FERRY3: variants seen among roughly 807,000 people sequenced by gnomAD.
FERRY3 encodes the protein FERRY endosomal RAB5 effector complex subunit 3, also known as protein C12orf4.
At chr12:4,529,812 G>T in the FERRY3 span, 1 of 1,361,694 alleles carries the variant, frequency 7.3e-7, no homozygotes, top group South Asian at 1.5e-5. Flanking sequence ...TTGTTCTGCA[G>T]GCCATCTATT....
At chr12:4,498,583 A>T in the FERRY3 span, among the ~76,000 whole-genome samples, 1 of 152,232 alleles carries the variant, frequency 6.6e-6, no homozygotes, top group African/African-American at 2.4e-5. Flanking sequence ...GTAAAACTAT[A>T]CCAGCATAGA....
chr12:4,538,141 T>G, the FERRY3 span, among the ~76,000 whole-genome samples: 1 of 152,200 alleles, frequency 6.6e-6, no homozygotes, highest in Admixed American at 6.5e-5. Flanking sequence ...CTTTCTCCTC[T>G]CGCTCTTTTT....
the FERRY3 span, chr12:4,505,335 G>T: frequency 6.2e-7 from 1 of 1,605,126 alleles, no homozygotes. Flanking sequence ...GTTCCTCTCA[G>T]CATTCTTAGT....
the FERRY3 span, among the ~76,000 whole-genome samples, chr12:4,521,293 A>G: frequency 6.6e-6 from 1 of 152,120 alleles, no homozygotes; most frequent in African/African-American, 2.4e-5. Flanking sequence ...CAGGAGGTGG[A>G]GGTTGCAATG....
chr12:4,497,163 A>G, the FERRY3 span, among the ~76,000 whole-genome samples: 5 of 152,326 alleles, frequency 3.3e-5, no homozygotes, highest in South Asian at 4.1e-4. Context: ...GAATGTATAA[A>G]TAACTGTGGT....
At chr12:4,498,475 G>A in the FERRY3 span, among the ~76,000 whole-genome samples, 27 of 152,314 alleles carry the variant, frequency 1.8e-4, no homozygotes, top group East Asian at 4.4e-3. Context: ...AGGTATGACT[G>A]AGGCTACAGA....
the FERRY3 span, among the ~76,000 whole-genome samples, chr12:4,500,567 T>C: frequency 2.0e-5 from 3 of 152,246 alleles, no homozygotes; most frequent in Admixed American, 2.0e-4. Flanking sequence ...GTTCATAAAT[T>C]GGTATGAAGT....
the FERRY3 span, chr12:4,489,652 A>G: frequency 2.0e-6 from 1 of 511,982 alleles, no homozygotes; most frequent in African/African-American, 1.9e-5. Context: ...CAGTATATAA[A>G]TTTTTGGAAT....
the FERRY3 span, among the ~76,000 whole-genome samples, chr12:4,513,848 T>A: frequency 6.6e-6 from 1 of 151,932 alleles, no homozygotes; most frequent in African/African-American, 2.4e-5. Flanking sequence ...GGACTTCATG[T>A]CCAAAACACC....
chr12:4,500,481 G>T, the FERRY3 span: 2 of 703,938 alleles, frequency 2.8e-6, no homozygotes, highest in Non-Finnish European at 4.7e-6. Context: ...GATTCAGGAA[G>T]CAACTGTGAT....
the FERRY3 span, among the ~76,000 whole-genome samples, chr12:4,533,687 A>T: frequency 6.6e-6 from 1 of 152,254 alleles, no homozygotes; most frequent in Non-Finnish European, 1.5e-5. Flanking sequence ...AATAATGAAG[A>T]TAAGTTTATA....
the FERRY3 span, among the ~76,000 whole-genome samples, chr12:4,492,338 A>C: frequency 6.6e-6 from 1 of 152,220 alleles, no homozygotes; most frequent in Admixed American, 6.5e-5. Flanking sequence ...TCAATCTGTT[A>C]TATTATCACA....
At chr12:4,490,071 T>C in the FERRY3 span, among the ~76,000 whole-genome samples, 3 of 152,286 alleles carry the variant, frequency 2.0e-5, no homozygotes, top group Admixed American at 1.3e-4. Context: ...AAGGGCTGGT[T>C]TTCCGGCTCC....
the FERRY3 span, among the ~76,000 whole-genome samples, chr12:4,494,949 C>T: frequency 3.3e-5 from 5 of 152,124 alleles, no homozygotes; most frequent in Admixed American, 1.3e-4. Flanking sequence ...TCCATGAGTA[C>T]GGGATATATT....
the FERRY3 span, among the ~76,000 whole-genome samples, chr12:4,505,099 C>T: frequency 6.6e-6 from 1 of 152,078 alleles, no homozygotes; most frequent in Non-Finnish European, 1.5e-5. Context: ...AACGAGGCTT[C>T]GTCTCAAAAC....
At chr12:4,491,993 T>C in the FERRY3 span, among the ~76,000 whole-genome samples, 1 of 152,160 alleles carries the variant, frequency 6.6e-6, no homozygotes, top group Non-Finnish European at 1.5e-5. Context: ...AGCAGGAGGA[T>C]TGCTTGAGTC....
At chr12:4,526,487 A>G in the FERRY3 span, among the ~76,000 whole-genome samples, 1 of 152,216 alleles carries the variant, frequency 6.6e-6, no homozygotes, top group Non-Finnish European at 1.5e-5. Context: ...GAAAGAACAA[A>G]ACACAGATAT....
At chr12:4,505,941 C>T in the FERRY3 span, among the ~76,000 whole-genome samples, 8 of 152,016 alleles carry the variant, frequency 5.3e-5, no homozygotes, top group Non-Finnish European at 1.0e-4. Flanking sequence ...TCTTACCTGA[C>T]GCTATATACA....
chr12:4,524,910 G>GT, the FERRY3 span: 13 of 174,044 alleles, frequency 7.5e-5, no homozygotes, highest in Middle Eastern at 2.7e-3. Flanking sequence ...ATAGGCAGGG[G>GT]TTTTTTTTGT....
Sources: allele counts gnomAD v4.1 joint callset (sites outside exome capture counted in the v4.1 genomes callset), GRCh38; gene constraint gnomAD v4.1.1; transcripts MANE v1.5; gene names NCBI Gene and HGNC (gene_info 2026-07-23, HGNC 2026-07-21).